The following ZFYVE28 variants were observed in gnomAD, a reference collection of about 807,000 sequenced individuals.
ZFYVE28 encodes zinc finger FYVE-type containing 28.
Under a neutral mutation model 82.1 loss-of-function variants are expected in ZFYVE28, and 40 were observed. That is an observed-to-expected ratio of 0.49 (90% confidence interval 0.38 to 0.63). ZFYVE28 has a LOEUF of 0.63. ZFYVE28 is among the 30% of genes least tolerant of loss of function. The pLI, the probability that ZFYVE28 is intolerant of heterozygous loss-of-function variation, is 0.00. For synonymous variants in ZFYVE28, 612 were observed against 546.1 expected (o/e 1.12, Z -1.68); for missense variants, 1,321 against 1,242.1 (o/e 1.06, Z -0.96).
At chr4:2,379,754 T>G (rs1215751481) in intron 1 of ZFYVE28, among the ~76,000 whole-genome samples, 1 of 152,238 alleles carries the variant, frequency 6.6e-6, no homozygotes, top group Non-Finnish European at 1.5e-5. Flanking sequence ...ATTACATATT[T>G]ATAAATCTAT....
intron 1 of ZFYVE28, among the ~76,000 whole-genome samples, chr4:2,406,296 C>T (rs1731906958): frequency 6.6e-6 from 1 of 150,612 alleles, no homozygotes; most frequent in Admixed American, 6.6e-5. Flanking sequence ...CACTTGAACC[C>T]AGGAGGCAGA....
chr4:2,307,807 TTTTATA>T (rs1285589777), intron 7 of ZFYVE28, among the ~76,000 whole-genome samples: 2 of 152,234 alleles, frequency 1.3e-5, no homozygotes, highest in Middle Eastern at 3.4e-3. Flanking sequence ...TTGTTTTACT[TTTTATA>T]TTTATATCTA....
chr4:2,368,522 T>G (rs78950749), intron 1 of ZFYVE28, among the ~76,000 whole-genome samples: 1 of 17,950 alleles, frequency 5.6e-5, no homozygotes, highest in African/African-American at 1.3e-4. Context: ...GTCATCCCCC[T>G]ACCCCTTCAT....
At chr4:2,391,812 T>G (rs1416430870) in intron 1 of ZFYVE28, among the ~76,000 whole-genome samples, 2 of 149,292 alleles carry the variant, frequency 1.3e-5, no homozygotes, top group Non-Finnish European at 3.0e-5. Flanking sequence ...CTCAGCTCAC[T>G]ACAACCTCAG....
At position 2,300,580 on chromosome 4, in the gene ZFYVE28, G is replaced by C. The variant is rs914021177; in HGVS notation, c.2051+3709C>G. Among the ~76,000 whole-genome samples the C allele has an allele frequency of 6.6e-6, 1 of 152,222 alleles. No homozygotes were observed. Among genetic ancestry groups the C allele is most frequent in the East Asian group, 1.9e-4 (1 of 5,178 alleles). ...GACCCTCACGCCAGGACTCCAGTGG[G>C]CCATGTGCCAACCCACCTCCTGCGT... On this transcript the variant is annotated intron_variant, in intron 8 of 12. Coordinates refer to ENST00000290974, the MANE Select transcript of ZFYVE28 (RefSeq NM_020972.3). This position sits in a 1 kb window ranked among gnomAD's most constrained non-coding sequence, Gnocchi z 4.6.
At chr4:2,398,037 G>GT (rs1223648915) in intron 1 of ZFYVE28, among the ~76,000 whole-genome samples, 1 of 4,344 alleles carries the variant, frequency 2.3e-4, no homozygotes, top group African/African-American at 9.4e-4. Flanking sequence ...TGAGATGGGA[G>GT]GGGGGGTCCT....
chr4:2,285,387 G>A (rs1712565774), intron 8 of ZFYVE28: 1 of 152,280 alleles, frequency 6.6e-6, no homozygotes, highest in Non-Finnish European at 1.5e-5. Context: ...ACTAACACGT[G>A]GCGCTGACCC....
At chr4:2,407,016 C>A (rs1008251849) in intron 1 of ZFYVE28, among the ~76,000 whole-genome samples, 1 of 152,052 alleles carries the variant, frequency 6.6e-6, no homozygotes, top group Non-Finnish European at 1.5e-5. Context: ...GCTGTCCAGG[C>A]ATTGCTGTCC....
intron 8 of ZFYVE28, among the ~76,000 whole-genome samples, chr4:2,292,208 T>C (rs1713830162): frequency 6.6e-6 from 1 of 152,082 alleles, no homozygotes. Context: ...GGCCCAGCCA[T>C]GAAGCGAACA....
chr4:2,279,757 A>AG (rs1711701548), intron 8 of ZFYVE28, among the ~76,000 whole-genome samples: 1 of 151,584 alleles, frequency 6.6e-6, no homozygotes, highest in Admixed American at 6.6e-5. Flanking sequence ...CTCCAGCCTG[A>AG]CAACAGAGTG....
intron 4 of ZFYVE28, among the ~76,000 whole-genome samples, chr4:2,338,439 A>C (rs1018986618): frequency 6.6e-6 from 1 of 152,118 alleles, no homozygotes; most frequent in Non-Finnish European, 1.5e-5. Context: ...GAAAACACAA[A>C]AAAATGAGCC....
intron 1 of ZFYVE28, among the ~76,000 whole-genome samples, chr4:2,404,857 C>CTTTTTCTTTTTT (rs550584895): frequency 9.0e-6 from 1 of 110,998 alleles, no homozygotes; most frequent in African/African-American, 3.6e-5. Context: ...CAGTCTCGCT[C>CTTTTTCTTTTTT]TTTTTTTTTT....
In ZFYVE28 at chr4:2,335,527, A is replaced by G. The variant is rs1721545214; in HGVS notation, c.701+178T>C. Among the ~76,000 whole-genome samples the G allele has an allele frequency of 6.6e-6, 1 of 152,098 alleles. No individual in the cohort carries two copies. Among genetic ancestry groups the G allele is most frequent in the Admixed American group, 6.5e-5 (1 of 15,278 alleles). ...AAGGTGAACAGGGGGCACTCAGGAC[A>G]CGTGGTCCCCTGGTCTGCTGAGGGC... On this transcript the variant is annotated intron_variant, in intron 6 of 12. Coordinates refer to ENST00000290974, the MANE Select transcript of ZFYVE28 (RefSeq NM_020972.3). This position sits in a 1 kb window ranked among gnomAD's most constrained non-coding sequence, Gnocchi z 5.8.
At chr4:2,387,950 C>G (rs560739307) in intron 1 of ZFYVE28, among the ~76,000 whole-genome samples, 1 of 152,366 alleles carries the variant, frequency 6.6e-6, no homozygotes, top group South Asian at 2.1e-4. Context: ...GCCCCACATT[C>G]ATGCTGCCTG....
chr4:2,270,646 G>A lies in ZFYVE28; in HGVS notation c.*79C>T. 6.3e-7 allele frequency: 1 copy of A among 1,591,856 alleles called. No individual in the cohort carries two copies. The highest frequency in any genetic ancestry group is 1.1e-5 in the South Asian group (1 of 88,262). ...AGCGGCAGCGGCCTCATGAGACGCAGTGAGACCTGCCTGCAGCGTGGCCCC... is the reference window on the plus strand; with the variant it reads ...AGCGGCAGCGGCCTCATGAGACGCAATGAGACCTGCCTGCAGCGTGGCCCC... On this transcript the variant is annotated 3_prime_UTR_variant, in exon 13 of 13. Transcript: ENST00000290974.
intron 7 of ZFYVE28, among the ~76,000 whole-genome samples, chr4:2,319,789 C>T (rs888313589): frequency 1.5e-5 from 2 of 135,280 alleles, no homozygotes; most frequent in Admixed American, 7.9e-5. Context: ...CAGAAGCAAG[C>T]GCTTTGGGGA....
At chr4:2,318,314 T>G (rs887239810) in intron 7 of ZFYVE28, among the ~76,000 whole-genome samples, 21 of 152,116 alleles carry the variant, frequency 1.4e-4, no homozygotes, top group African/African-American at 4.8e-4. Flanking sequence ...TCCCAGCACT[T>G]TGGGAGGCCG....
rs569257005 is a variant in ZFYVE28 at position 2,300,693 on chromosome 4, G to T, written c.2051+3596C>A. Among the ~76,000 whole-genome samples the T allele has an allele frequency of 1.3e-5, 2 of 152,118 alleles. No homozygotes were observed. Among genetic ancestry groups the T allele is most frequent in the African/African-American group, 4.8e-5 (2 of 41,414 alleles). ...CTGGCCAGAAACACAGGCTCCAGGG[G>T]TCTCGGGGGAATCTCACAGGCTGGT... On this transcript the variant is annotated intron_variant, in intron 8 of 12. Transcript: ENST00000290974. The surrounding 1 kb of genome is among the most constrained non-coding windows in gnomAD (Gnocchi z 4.6).
At chr4:2,366,237 A>G (rs754088900) in intron 1 of ZFYVE28, among the ~76,000 whole-genome samples, 20 of 152,230 alleles carry the variant, frequency 1.3e-4, no homozygotes, top group Non-Finnish European at 2.4e-4. Flanking sequence ...CTGAGATGGA[A>G]TTTTTAACCT....
Sources: gnomAD v4.1 joint callset for allele counts (sites outside exome capture counted in the v4.1 genomes callset) on GRCh38, gnomAD v4.1.1 for gene constraint, Gnocchi (gnomAD v3.1) non-coding constraint, MANE v1.5 for transcripts, NCBI Gene and HGNC (gene_info 2026-07-23, HGNC 2026-07-21) for gene names.